The following DCP1B variants were observed in gnomAD, a reference collection of about 807,000 sequenced individuals.
The protein encoded by DCP1B is decapping mRNA 1B.
A neutral mutation model predicts 60.5 loss-of-function variants in DCP1B; 47 were observed. The ratio of observed to expected loss-of-function variants is 0.78; its 90% CI spans 0.61 to 0.99. DCP1B has a LOEUF of 0.99. Among genes scored for constraint, DCP1B ranks in the 50% least tolerant of loss-of-function variants. DCP1B has a pLI of 0.00. For synonymous variants in DCP1B, 267 were observed against 280.3 expected (o/e 0.95, Z 0.47); for missense variants, 725 against 756.8 (o/e 0.96, Z 0.49).
intron 3 of DCP1B, among the ~76,000 whole-genome samples, chr12:1,989,990 C>T (rs111798335): frequency 0.027 from 4,171 of 152,192 alleles, 96 homozygotes; most frequent in Middle Eastern, 0.054. Flanking sequence ...AACCTTGGAG[C>T]GTACTCTAAA....
At position 1,984,776 on chromosome 12, in the gene DCP1B, G is replaced by A. The variant is rs114822676; in HGVS notation, c.319+8488C>T. Among the ~76,000 whole-genome samples, 481 of 84,710 alleles carry A rather than the reference G, an allele frequency of 5.7e-3. 2 individuals are homozygous for A. Among genetic ancestry groups the A allele is most frequent in the African/African-American group, 0.02 (426 of 21,330 alleles). 55.6% of individuals were successfully genotyped at this position (84,710 alleles called of 152,430 possible). A position where few individuals can be genotyped will look rare whatever the true frequency, so the allele number is the denominator to read the frequency against. On this transcript the variant is annotated intron_variant, in intron 3 of 8. Transcript: ENST00000280665. ...GCATTTATTCTACAGTGGGTCTTCTGGTAAAAAAAAAAAAAAAAAAAAAAA... is the reference window on the plus strand; with the variant it reads ...GCATTTATTCTACAGTGGGTCTTCTAGTAAAAAAAAAAAAAAAAAAAAAAA...
At chr12:1,983,748 G>C (rs1395756956) in intron 3 of DCP1B, among the ~76,000 whole-genome samples, 1 of 151,932 alleles carries the variant, frequency 6.6e-6, no homozygotes, top group Non-Finnish European at 1.5e-5. Flanking sequence ...AGTTGATAGT[G>C]TTGTTCAAGT....
At chr12:1,975,029 A>G (rs548772475) in intron 3 of DCP1B, among the ~76,000 whole-genome samples, 2 of 152,308 alleles carry the variant, frequency 1.3e-5, no homozygotes, top group South Asian at 2.1e-4. Context: ...GCCTAACTAT[A>G]AAACACATGA....
intron 2 of DCP1B, among the ~76,000 whole-genome samples, chr12:1,995,022 C>T (rs1213908877): frequency 6.6e-6 from 1 of 151,136 alleles, no homozygotes; most frequent in Non-Finnish European, 1.5e-5. Flanking sequence ...GGGAGGCATC[C>T]CATTCTTGAG....
chr12:1,953,404 A>G (rs2030765470), intron 6 of DCP1B, 116 bp from the exon 7 acceptor site: 1 of 1,196,598 alleles, frequency 8.4e-7, no homozygotes, highest in Non-Finnish European at 1.1e-6. Flanking sequence ...TTGATTAGAG[A>G]GAATGAAAAA....
intron 6 of DCP1B, among the ~76,000 whole-genome samples, chr12:1,953,730 G>C (rs1267631381): frequency 6.6e-6 from 1 of 152,210 alleles, no homozygotes; most frequent in Non-Finnish European, 1.5e-5. Flanking sequence ...TCAAGGGCTG[G>C]AAAGAAACGG....
intron 3 of DCP1B, among the ~76,000 whole-genome samples, chr12:1,988,806 C>A (rs771129186): frequency 6.6e-6 from 1 of 152,062 alleles, no homozygotes; most frequent in Non-Finnish European, 1.5e-5. Flanking sequence ...GTACTATTTC[C>A]GTTATTTATA....
intron 4 of DCP1B, among the ~76,000 whole-genome samples, 179 bp downstream of exon 4, chr12:1,967,665 C>T (rs764906134): frequency 6.6e-6 from 1 of 152,178 alleles, no homozygotes; most frequent in Non-Finnish European, 1.5e-5. Flanking sequence ...AGTGAAACTG[C>T]GGCAAGTTGT....
intron 3 of DCP1B, among the ~76,000 whole-genome samples, chr12:1,973,428 A>C (rs1260341989): frequency 6.6e-6 from 1 of 152,234 alleles, no homozygotes; most frequent in Non-Finnish European, 1.5e-5. Flanking sequence ...CTCTGAATTA[A>C]AGCATTATAC....
At chr12:1,993,175 A>C (rs1193899468) in intron 3 of DCP1B, 89 bp downstream of exon 3, 1 of 1,581,266 alleles carries the variant, frequency 6.3e-7, no homozygotes, top group Admixed American at 1.7e-5. Flanking sequence ...CTGATACCAA[A>C]TGCAAACACA....
chr12:1,991,710 A>G (rs1271155084), intron 3 of DCP1B: 4 of 158,438 alleles, frequency 2.5e-5, no homozygotes, highest in African/African-American at 9.6e-5. Context: ...TATTAGATCT[A>G]AATAGTATTT....
chr12:1,955,772 C>G lies in DCP1B; in HGVS notation c.523-212G>C, dbSNP rs182797255. ...TTTTTCTTAGTTGGACAATTCAGTG[C>G]TCTAAATATTACTAACAACACCAGC... On this transcript the variant is annotated intron_variant, in intron 5 of 8. Transcript: ENST00000280665. Among the ~76,000 whole-genome samples the G allele has an allele frequency of 4.6e-5, 7 of 152,186 alleles. No individual in the cohort carries two copies. The East Asian group carries it at 1.4e-3, about 29-fold the overall frequency.
chr12:1,952,696 T>C lies in DCP1B; in HGVS notation c.1244A>G (p.Gln415Arg). Residue 415 changes from glutamine (Q) to arginine (R), a missense_variant, in exon 7 of 9, where the codon CAG (glutamine) becomes CGG (arginine). Gln to Arg is a conservative substitution (Grantham distance 43, BLOSUM62 1). Transcript: ENST00000280665. ...QAYFNGSLPPQTVGHQAHGRE... is the reference protein window; with the variant it reads ...QAYFNGSLPPRTVGHQAHGRE... ...TCCATGAGCCTGATGTCCTACTGTC[T>C]GAGGTGGAAGGGAGCCATTGAAATA... The C allele has an allele frequency of 6.2e-7, 1 of 1,614,118 alleles. No homozygotes were observed. Among genetic ancestry groups the C allele is most frequent in the Middle Eastern group, 1.6e-4 (1 of 6,062 alleles).
chr12:1,997,481 C>G (rs899770972), intron 2 of DCP1B, among the ~76,000 whole-genome samples: 1 of 152,148 alleles, frequency 6.6e-6, no homozygotes, highest in Admixed American at 6.5e-5. Context: ...GAGCTGTGAT[C>G]GTGCCACTGC....
intron 2 of DCP1B, among the ~76,000 whole-genome samples, chr12:1,997,637 T>C (rs1372163087): frequency 6.6e-6 from 1 of 152,240 alleles, no homozygotes; most frequent in Non-Finnish European, 1.5e-5. Flanking sequence ...TTCAAGAACT[T>C]TGTGCCATTC....
At position 1,971,207 on chromosome 12, in the gene DCP1B, A is replaced by G. The variant is rs112721107; in HGVS notation, c.320-3297T>C. ...TTTCTACATCTCTCCTGGAGGTAAG[A>G]AACCCTAAAGTGAAATAAAGAGTAG... On this transcript the variant is annotated intron_variant, in intron 3 of 8. Coordinates refer to ENST00000280665, the MANE Select transcript of DCP1B (RefSeq NM_152640.5). The surrounding 1 kb of genome is among the most constrained non-coding windows in gnomAD (Gnocchi z 4.2). The G allele has an allele frequency of 0.035, 45,024 of 1,283,214 alleles. 929 individuals carry two copies. The highest frequency in any genetic ancestry group is 0.07 in the Middle Eastern group (330 of 4,690). 79.5% of individuals were successfully genotyped at this position (1,283,214 alleles called of 1,614,324 possible). A position where few individuals can be genotyped will look rare whatever the true frequency, so the allele number is the denominator to read the frequency against.
chr12:1,980,843 T>C (rs1369823209), intron 3 of DCP1B, among the ~76,000 whole-genome samples: 1 of 151,962 alleles, frequency 6.6e-6, no homozygotes, highest in East Asian at 1.9e-4. Flanking sequence ...TGGCCTGTTT[T>C]CATGTATCAT....
At position 1,971,044 on chromosome 12, in the gene DCP1B, A is replaced by G. The variant is rs974262253; in HGVS notation, c.320-3134T>C. 3.1e-6 allele frequency: 4 copies of G among 1,278,240 alleles called. No individual in the cohort carries two copies. Among genetic ancestry groups the G allele is most frequent in the African/African-American group, 3.1e-5 (2 of 65,332 alleles). The allele number at this position is 1,278,240 out of a possible 1,614,324, so 79.2% of individuals were successfully genotyped here. A position where few individuals can be genotyped will look rare whatever the true frequency, so the allele number is the denominator to read the frequency against. Reference sequence around the variant, plus strand: ...TAGCTTTAAAAATCAACCAATTAATATACATCTGGAAATTCACAATGCTTC... The same window carrying G: ...TAGCTTTAAAAATCAACCAATTAATGTACATCTGGAAATTCACAATGCTTC... On this transcript the variant is annotated intron_variant, in intron 3 of 8. Coordinates refer to ENST00000280665, the MANE Select transcript of DCP1B (RefSeq NM_152640.5). This position sits in a 1 kb window ranked among gnomAD's most constrained non-coding sequence, Gnocchi z 4.2.
chr12:1,971,064 T>C lies in DCP1B; in HGVS notation c.320-3154A>G. 5 of 1,285,542 alleles carry C rather than the reference T, an allele frequency of 3.9e-6. No individual in the cohort carries two copies. Among genetic ancestry groups the C allele is most frequent in the Non-Finnish European group, 5.1e-6 (5 of 987,230 alleles). The allele number at this position is 1,285,542 out of a possible 1,614,324, so 79.6% of individuals were successfully genotyped here. A position where few individuals can be genotyped will look rare whatever the true frequency, so the allele number is the denominator to read the frequency against. On this transcript the variant is annotated intron_variant, in intron 3 of 8. Coordinates refer to ENST00000280665, the MANE Select transcript of DCP1B (RefSeq NM_152640.5). The surrounding 1 kb of genome is among the most constrained non-coding windows in gnomAD (Gnocchi z 4.2). The stretch of plus-strand genomic sequence containing the variant: ...TTAATATACATCTGGAAATTCACAA[T>C]GCTTCGAGCCTTTGTTCAGCCTGGT...
Sources: gnomAD v4.1 joint callset for allele counts (sites outside exome capture counted in the v4.1 genomes callset) on GRCh38, gnomAD v4.1.1 for gene constraint, Gnocchi (gnomAD v3.1) non-coding constraint, MANE v1.5 for transcripts, NCBI Gene and HGNC (gene_info 2026-07-23, HGNC 2026-07-21) for gene names.